UNKL: variants seen among roughly 807,000 people sequenced by gnomAD.
UNKL encodes unk like zinc finger.
A neutral mutation model predicts 78.0 loss-of-function variants in UNKL; 60 were observed. That is an observed-to-expected ratio of 0.77 (90% confidence interval 0.63 to 0.95). The LOEUF (loss-of-function observed/expected upper bound fraction) is 0.95, where lower values mean the gene tolerates loss of function less well. Ranked by LOEUF, UNKL falls within the 40% of genes least tolerant of loss-of-function variation. UNKL has a pLI of 0.00. For synonymous variants in UNKL, 608 were observed against 474.8 expected, an observed-to-expected ratio of 1.28 and a Z score of -3.65; for missense variants, 1,159 against 1,045.7, an observed-to-expected ratio of 1.11 and a Z score of -1.49.
chr16:1,394,297 G>A, intron 6 of UNKL, 82 bp from the exon 7 acceptor site: 6 of 1,476,496 alleles, frequency 4.1e-6, no homozygotes, highest in African/African-American at 1.4e-5. Flanking sequence ...TCCCAAGGGA[G>A]AGGATTAAGC....
chr16:1,374,723 G>A (rs780886814), intron 10 of UNKL, among the ~76,000 whole-genome samples: 25 of 152,106 alleles, frequency 1.6e-4, no homozygotes, highest in African/African-American at 2.7e-4. Context: ...GGGCTGACTC[G>A]TCAGGACTTG....
chr16:1,413,589 T>G (rs1187351721), intron 2 of UNKL, among the ~76,000 whole-genome samples: 1 of 151,816 alleles, frequency 6.6e-6, no homozygotes, highest in Non-Finnish European at 1.5e-5. Context: ...CAAAAAAAAG[T>G]GGGAGGTGAA....
chr16:1,414,629 C>G lies in UNKL; in HGVS notation c.63G>C (p.Lys21Asn). The G allele has an allele frequency of 1.8e-6, 2 of 1,112,132 alleles. No homozygotes were observed. Among genetic ancestry groups the G allele is most frequent in the Non-Finnish European group, 2.2e-6 (2 of 903,322 alleles). The allele number at this position is 1,112,132 out of a possible 1,614,324, so 68.9% of individuals were successfully genotyped here. The change falls in exon 1 of 15, where the codon AAG becomes AAC. Residue 21 changes from lysine (K) to asparagine (N), a missense_variant. Lys to Asn is a moderately conservative substitution (Grantham distance 94, BLOSUM62 0). Transcript: ENST00000389221. Reference protein sequence around the residue: ...ALSGSPPQTEKPTHYRYLKEF... With the variant: ...ALSGSPPQTENPTHYRYLKEF... ...CGGGCGCTGACCTGTAGTGGGTCGG[C>G]TTCTCAGTCTGCGGGGGGGACCCGC...
intron 9 of UNKL, among the ~76,000 whole-genome samples, chr16:1,388,887 TCTC>T (rs2036927830): frequency 6.6e-6 from 1 of 152,074 alleles, no homozygotes; most frequent in Non-Finnish European, 1.5e-5. Context: ...TGGTTTTTCT[TCTC>T]TGTATTATAG....
chr16:1,401,523 G>GGGGGGGCCCCCCCCC, intron 4 of UNKL, 45 bp downstream of exon 4: 1 of 1,470,346 alleles, frequency 6.8e-7, no homozygotes, highest in Non-Finnish European at 9.1e-7. Flanking sequence ...CTCGCGCTGT[G>GGGGGGGCCCCCCCCC]CCCGCCCCCC....
chr16:1,369,409 G>A (rs1232145526), intron 12 of UNKL, among the ~76,000 whole-genome samples: 2 of 148,824 alleles, frequency 1.3e-5, no homozygotes, highest in South Asian at 2.1e-4. Flanking sequence ...CACTCTTGTT[G>A]CCCAGGCTGG....
At chr16:1,384,876 G>A (rs1376382243) in intron 10 of UNKL, among the ~76,000 whole-genome samples, 2 of 152,178 alleles carry the variant, frequency 1.3e-5, no homozygotes, top group African/African-American at 4.8e-5. Flanking sequence ...TGGGAGCACA[G>A]GCGGCCAACT....
chr16:1,386,358 G>C (rs1038525465), intron 9 of UNKL, among the ~76,000 whole-genome samples: 4 of 152,164 alleles, frequency 2.6e-5, no homozygotes, highest in Admixed American at 1.3e-4. Flanking sequence ...TTCGAGACCA[G>C]GCTGCCCAAC....
chr16:1,378,280 G>C (rs964743470), intron 10 of UNKL, among the ~76,000 whole-genome samples: 3 of 152,226 alleles, frequency 2.0e-5, no homozygotes, highest in Admixed American at 1.3e-4. Flanking sequence ...CCATACGGGG[G>C]CTTGATGACG....
intron 8 of UNKL, 60 bp downstream of exon 8, chr16:1,392,831 C>T (rs2037103412): frequency 1.3e-6 from 2 of 1,532,476 alleles, no homozygotes; most frequent in African/African-American, 1.4e-5. Context: ...ATCCACATCC[C>T]TAAGAGTTCA....
chr16:1,366,311 T>C lies in UNKL; in HGVS notation c.2131A>G (p.Ile711Val), dbSNP rs767283389. 1 of 1,602,790 alleles carries C rather than the reference T, an allele frequency of 6.2e-7. No individual in the cohort carries two copies. Among genetic ancestry groups the C allele is most frequent in the Non-Finnish European group, 8.5e-7 (1 of 1,175,982 alleles). ...GAVLRPCQHHILCEPCAATAP... is the reference protein window; with the variant it reads ...GAVLRPCQHHVLCEPCAATAP... ...GTGGCCGCACACGGCTCACAGAGGA[T>C]GTGGTGCTGACAGGGCCGCAGGACA... is the stretch of plus-strand genomic sequence containing the variant. Residue 711 changes from isoleucine to valine, a missense_variant, in exon 15 of 15, where the codon ATC (isoleucine) becomes GTC (valine). Ile to Val is a conservative substitution (Grantham distance 29). Coordinates refer to ENST00000389221, the MANE Select transcript of UNKL (RefSeq NM_001372107.1).
rs148982255 is a variant in UNKL, at chr16:1,391,850, G to A, written c.1023+1041C>T. On this transcript the variant is annotated intron_variant, in intron 8 of 14. Transcript: ENST00000389221. Reference sequence around the variant, plus strand: ...TTACAGGCGCACGCCACCACGCCCGGCTAATTTGTGTATTTTTAGTAGAGA... The same window carrying A: ...TTACAGGCGCACGCCACCACGCCCGACTAATTTGTGTATTTTTAGTAGAGA... Among the ~76,000 whole-genome samples the A allele has an allele frequency of 6.8e-4, 104 of 152,126 alleles. No homozygotes were observed. The East Asian group carries it at 0.01, about 15-fold the overall frequency.
intron 10 of UNKL, among the ~76,000 whole-genome samples, chr16:1,376,035 G>A (rs927511193): frequency 6.6e-6 from 1 of 152,062 alleles, no homozygotes; most frequent in Non-Finnish European, 1.5e-5. Flanking sequence ...CTCCAAGGCT[G>A]AAAGTGAGAT....
At position 1,389,092 on chromosome 16, in the gene UNKL, C is replaced by T. The variant is rs113138943; in HGVS notation, c.1086+1540G>A. 1.7e-3 allele frequency among the ~76,000 whole-genome samples: 252 copies of T among 150,900 alleles called. 3 individuals carry two copies. The highest frequency in any genetic ancestry group is 5.3e-3 in the African/African-American group (220 of 41,192). ...GCCCCGGCCCCCACCATGCCACCTG[C>T]TGTCTGTGAATGTGACTCCACTAGA... On this transcript the variant is annotated intron_variant, in intron 9 of 14. Transcript: ENST00000389221.
intron 10 of UNKL, among the ~76,000 whole-genome samples, chr16:1,372,122 G>A (rs1315356354): frequency 1.3e-5 from 2 of 152,010 alleles, no homozygotes; most frequent in East Asian, 1.9e-4. Flanking sequence ...AAATTAGCCA[G>A]GCGTGGTGGC....
intron 4 of UNKL, 159 bp downstream of exon 4, chr16:1,401,409 T>C (rs972175766): frequency 1.8e-5 from 17 of 939,930 alleles, no homozygotes; most frequent in Admixed American, 3.9e-5. Context: ...ACCCACCCCC[T>C]GTTGGGGAGG....
At chr16:1,401,849 C>A in intron 3 of UNKL, 148 bp from the exon 4 acceptor site, 1 of 1,131,030 alleles carries the variant, frequency 8.8e-7, no homozygotes, top group Non-Finnish European at 1.2e-6. Context: ...GTGTGGCGCT[C>A]CGCTGTCCTG....
chr16:1,393,221 T>C (rs1164689380), intron 7 of UNKL, among the ~76,000 whole-genome samples: 1 of 152,222 alleles, frequency 6.6e-6, no homozygotes, highest in African/African-American at 2.4e-5. Flanking sequence ...CAAGAATAGC[T>C]GCCCTCCCCA....
intron 10 of UNKL, among the ~76,000 whole-genome samples, chr16:1,375,287 G>C (rs1225673599): frequency 1.3e-5 from 2 of 152,228 alleles, no homozygotes; most frequent in African/African-American, 4.8e-5. Context: ...TGGAGACCGT[G>C]CTCCACCACC....
Sources: gnomAD v4.1 joint callset for allele counts (sites outside exome capture counted in the v4.1 genomes callset) on GRCh38, gnomAD v4.1.1 for gene constraint, MANE v1.5 for transcripts, NCBI Gene and HGNC (gene_info 2026-07-23, HGNC 2026-07-21) for gene names.